TRPM3: variants seen among roughly 807,000 people sequenced by gnomAD.
TRPM3 encodes transient receptor potential cation channel subfamily M member 3.
A neutral mutation model predicts 181.2 loss-of-function variants in TRPM3; 77 were observed. That is an observed-to-expected ratio of 0.42 (90% CI 0.35 to 0.51). The LOEUF (loss-of-function observed/expected upper bound fraction) is 0.51, where lower values mean the gene tolerates loss of function less well. Ranked by LOEUF, TRPM3 falls within the 20% of genes least tolerant of loss-of-function variation. The probability of loss-of-function intolerance (pLI) is 0.01; values close to 1 mark genes in which losing one functional copy is unlikely to be tolerated. For synonymous variants in TRPM3, 745 were observed against 796.4 expected, an observed-to-expected ratio of 0.94 and a Z score of 1.09; for missense variants, 1,759 against 2,196.7, an observed-to-expected ratio of 0.80 and a Z score of 3.98.
intron 1 of TRPM3, among the ~76,000 whole-genome samples, chr9:71,320,027 C>G (rs190927159): frequency 2.0e-5 from 3 of 152,170 alleles, no homozygotes; most frequent in Non-Finnish European, 4.4e-5. Context: ...TCCAAAAAAG[C>G]TTTTGGAAGA....
At chr9:70,794,006 G>A (rs879347293) in intron 6 of TRPM3, among the ~76,000 whole-genome samples, 2 of 152,106 alleles carry the variant, frequency 1.3e-5, no homozygotes, top group South Asian at 2.1e-4. Context: ...ACTTAAAATC[G>A]TTTGATTGGA....
chr9:70,740,167 T>C (rs1029128628), intron 8 of TRPM3, among the ~76,000 whole-genome samples: 7 of 152,152 alleles, frequency 4.6e-5, no homozygotes, highest in South Asian at 2.1e-4. Context: ...AGCTCTGCCA[T>C]ACACCATCAA....
chr9:71,365,784 A>G (rs1465208378), intron 1 of TRPM3, among the ~76,000 whole-genome samples: 2 of 152,148 alleles, frequency 1.3e-5, no homozygotes, highest in East Asian at 3.9e-4. Flanking sequence ...CACTCAACAA[A>G]TAAGTATATA....
intron 1 of TRPM3, among the ~76,000 whole-genome samples, chr9:71,264,482 A>G (rs2083259700): frequency 6.6e-6 from 1 of 152,200 alleles, no homozygotes; most frequent in Admixed American, 6.5e-5. Context: ...TCCAAAAAAA[A>G]GTCCCCAAAT....
At position 71,264,387 on chromosome 9, in the gene TRPM3, A is replaced by G. The variant is rs572963867; in HGVS notation, c.183+182266T>C. On this transcript the variant is annotated intron_variant, in intron 1 of 24. Transcript: ENST00000357533. The stretch of plus-strand genomic sequence containing the variant: ...AACAAAAGTGAATGATGAGAACACT[A>G]AAATATACAAAATTTTCATTTATCA... 2.6e-5 allele frequency among the ~76,000 whole-genome samples: 4 copies of G among 152,290 alleles called. No homozygotes were observed. The South Asian group carries it at 8.3e-4, about 32-fold the overall frequency.
chr9:70,695,958 G>C (rs1196579088), intron 8 of TRPM3, among the ~76,000 whole-genome samples: 1 of 152,078 alleles, frequency 6.6e-6, no homozygotes, highest in African/African-American at 2.4e-5. Context: ...TTTCTTGGAG[G>C]GCAAGGGAAA....
At chr9:70,740,933 C>G (rs1159084059) in intron 8 of TRPM3, among the ~76,000 whole-genome samples, 1 of 152,278 alleles carries the variant, frequency 6.6e-6, no homozygotes, top group Admixed American at 6.5e-5. Context: ...AACACGAAAG[C>G]AAATGCAACA....
intron 22 of TRPM3, among the ~76,000 whole-genome samples, chr9:70,561,028 G>A (rs1004544036): frequency 2.0e-5 from 3 of 152,104 alleles, no homozygotes; most frequent in African/African-American, 4.8e-5. Flanking sequence ...TAAAAATATG[G>A]CAAAAAAGGA....
At position 70,530,896 on chromosome 9, in the gene TRPM3, G is replaced by A. The variant is rs1587923774; in HGVS notation, c.*5057C>T. On this transcript the variant is annotated 3_prime_UTR_variant, in exon 26 of 26. Coordinates refer to ENST00000677713, the MANE Select transcript of TRPM3 (RefSeq NM_001366145.2). ...TGCAAATTGGCTCCTCTCTTTAACA[G>A]ATGTTGAATGGCTTCTAGTAATGAT... 1 of 152,144 alleles carries A rather than the reference G, an allele frequency of 6.6e-6. No individual in the cohort carries two copies. Among genetic ancestry groups the A allele is most frequent in the Admixed American group, 6.5e-5 (1 of 15,280 alleles). 9.4% of individuals were successfully genotyped at this position (152,144 alleles called of 1,614,324 possible).
At chr9:71,165,165 C>T (rs938158225) in intron 1 of TRPM3, among the ~76,000 whole-genome samples, 1 of 152,122 alleles carries the variant, frequency 6.6e-6, no homozygotes, top group African/African-American at 2.4e-5. Flanking sequence ...GCTGTGTAAA[C>T]CCGTGGGCAA....
At chr9:71,073,527 T>A (rs2063049992) in intron 1 of TRPM3, among the ~76,000 whole-genome samples, 1 of 152,212 alleles carries the variant, frequency 6.6e-6, no homozygotes, top group Non-Finnish European at 1.5e-5. Flanking sequence ...TTAATTTTGC[T>A]GGCCAGAGAT....
chr9:70,859,689 T>C (rs1468833855), intron 3 of TRPM3, among the ~76,000 whole-genome samples: 1 of 152,094 alleles, frequency 6.6e-6, no homozygotes, highest in African/African-American at 2.4e-5. Flanking sequence ...CCAGAGTTCT[T>C]AGGGTCTGTC....
At chr9:70,835,530 C>T (rs566172341) in intron 5 of TRPM3, among the ~76,000 whole-genome samples, 2 of 151,924 alleles carry the variant, frequency 1.3e-5, no homozygotes, top group South Asian at 4.2e-4. Flanking sequence ...GGTTTCTGTT[C>T]CATTGGGGTG....
At chr9:71,177,107 T>C (rs1226927987) in intron 1 of TRPM3, among the ~76,000 whole-genome samples, 1 of 152,094 alleles carries the variant, frequency 6.6e-6, no homozygotes, top group Admixed American at 6.6e-5. Flanking sequence ...GCATGAACCC[T>C]GCTGTGAACT....
intron 1 of TRPM3, among the ~76,000 whole-genome samples, chr9:71,035,470 C>T (rs1399231368): frequency 6.6e-6 from 1 of 152,230 alleles, no homozygotes; most frequent in East Asian, 1.9e-4. Context: ...AATCCCAGCA[C>T]TTCTGGGAGG....
chr9:70,829,100 T>C (rs1165766606), intron 5 of TRPM3, among the ~76,000 whole-genome samples: 1 of 152,168 alleles, frequency 6.6e-6, no homozygotes, highest in East Asian at 1.9e-4. Context: ...TCATCAAAAT[T>C]GACAGGAAAG....
At chr9:71,037,130 T>C (rs960078576) in intron 1 of TRPM3, among the ~76,000 whole-genome samples, 3 of 152,208 alleles carry the variant, frequency 2.0e-5, no homozygotes, top group Non-Finnish European at 4.4e-5. Context: ...TAAAAATTCA[T>C]TTATTTCCTT....
At chr9:70,945,441 T>C (rs1383973473) in intron 1 of TRPM3, among the ~76,000 whole-genome samples, 2 of 152,192 alleles carry the variant, frequency 1.3e-5, no homozygotes, top group African/African-American at 2.4e-5. Context: ...AGCTTTCTTG[T>C]CTGTACAATG....
At chr9:71,065,567 AT>A (rs1450385376) in intron 1 of TRPM3, among the ~76,000 whole-genome samples, 2 of 152,168 alleles carry the variant, frequency 1.3e-5, no homozygotes, top group Admixed American at 1.3e-4. Flanking sequence ...TATTCTAAGT[AT>A]TTTTAGGGCA....
Sources: gnomAD v4.1 joint callset for allele counts (sites outside exome capture counted in the v4.1 genomes callset) on GRCh38, gnomAD v4.1.1 for gene constraint, MANE v1.5 for transcripts, NCBI Gene and HGNC (gene_info 2026-07-23, HGNC 2026-07-21) for gene names.